NACC2: variants seen among roughly 807,000 people sequenced by gnomAD.
The protein encoded by NACC2 is NACC family member 2, also known as nucleus accumbens-associated protein 2.
In NACC2, 8 loss-of-function variants were observed where a neutral mutation model predicts 25.1. The ratio of observed to expected loss-of-function variants is 0.32; its 90% CI spans 0.19 to 0.57. The LOEUF (loss-of-function observed/expected upper bound fraction) is 0.57, where lower values mean the gene tolerates loss of function less well. NACC2 is among the 20% of genes least tolerant of loss of function. The pLI, the probability that NACC2 is intolerant of heterozygous loss-of-function variation, is 0.89. For synonymous variants in NACC2, 435 were observed against 294.7 expected (o/e 1.48, Z -4.88); for missense variants, 644 against 650.2 (o/e 0.99, Z 0.10).
At chr9:136,067,480 T>C (rs1438415009) in intron 1 of NACC2, among the ~76,000 whole-genome samples, 4 of 152,142 alleles carry the variant, frequency 2.6e-5, no homozygotes, top group Admixed American at 6.5e-5. Flanking sequence ...TTAGGTGATT[T>C]TGTTGTTCTC....
chr9:136,066,520 A>C lies in NACC2; in HGVS notation c.-59-15940T>G, dbSNP rs535709797. 1.4e-4 allele frequency among the ~76,000 whole-genome samples: 21 copies of C among 152,352 alleles called. 1 individual carries two copies. The South Asian group carries it at 1.9e-3, about 14-fold the overall frequency. ...GAAAACAAAGGTTGGTGGAAATGTA[A>C]AGAGATGTAGCGATCGGGAATGCAA... On this transcript the variant is annotated intron_variant, in intron 1 of 5. Transcript: ENST00000277554.
intron 1 of NACC2, among the ~76,000 whole-genome samples, chr9:136,094,633 G>C (rs558571847): frequency 2.0e-5 from 3 of 152,250 alleles, no homozygotes; most frequent in Non-Finnish European, 4.4e-5. Flanking sequence ...CCGAGTGGGG[G>C]AGGCGCGGGA....
chr9:136,062,727 C>G (rs576766538), intron 1 of NACC2, among the ~76,000 whole-genome samples: 1 of 152,166 alleles, frequency 6.6e-6, no homozygotes, highest in Admixed American at 6.5e-5. Flanking sequence ...CTAGCCTGGG[C>G]AACATGGCGA....
chr9:136,062,034 C>T (rs894441622), intron 1 of NACC2, among the ~76,000 whole-genome samples: 2 of 151,918 alleles, frequency 1.3e-5, no homozygotes, highest in East Asian at 1.9e-4. Context: ...GCAGGAGAAT[C>T]GCTTGAACTG....
chr9:136,086,598 T>C lies in NACC2; in HGVS notation c.-60+8591A>G, dbSNP rs2131189878. On this transcript the variant is annotated intron_variant, in intron 1 of 5. Coordinates refer to ENST00000277554, the MANE Select transcript of NACC2 (RefSeq NM_144653.5). This position sits in a 1 kb window ranked among gnomAD's most constrained non-coding sequence, Gnocchi z 5.6. ...CCACACGCTGTCATTTCCAGGCCACTTCCTATGACATGGACTCACCGCCTA... is the reference window on the plus strand; with the variant it reads ...CCACACGCTGTCATTTCCAGGCCACCTCCTATGACATGGACTCACCGCCTA... Among the ~76,000 whole-genome samples, 1 of 152,310 alleles carries C rather than the reference T, an allele frequency of 6.6e-6. No individual in the cohort carries two copies. The highest frequency in any genetic ancestry group is 2.4e-5 in the African/African-American group (1 of 41,572).
At position 136,011,534 on chromosome 9, in the gene NACC2, G is replaced by T; in HGVS notation, c.1746C>A (p.Thr582=). 7.1e-7 allele frequency: 1 copy of T among 1,407,696 alleles called. No individual in the cohort carries two copies. The highest frequency in any genetic ancestry group is 9.2e-7 in the Non-Finnish European group (1 of 1,087,046). 87.2% of individuals were successfully genotyped at this position (1,407,696 alleles called of 1,614,324 possible). Residue 582 remains threonine, a synonymous_variant, in exon 6 of 6, where the codon ACC becomes ACA. Transcript: ENST00000277554. ...GCTCCGCTTACAAGGTCCCTGCATA[G>T]GTGCCCTCCGGCCTCCGGGCCGCGG... ...PAAAARRPEG[T]YAGTL
rs894534086 is a variant in NACC2, at chr9:136,092,885, G to A, written c.-60+2304C>T. Among the ~76,000 whole-genome samples, 11 of 152,214 alleles carry A rather than the reference G, an allele frequency of 7.2e-5. No individual in the cohort carries two copies. In the South Asian group the frequency reaches 8.3e-4, roughly 11 times the overall value. ...CCAACTGGATCTCGGAACCCACTGC[G>A]TGACCCTGCAAAGGGGATGGAGTGA... On this transcript the variant is annotated intron_variant, in intron 1 of 5. Transcript: ENST00000277554.
rs1840241550 is a variant in NACC2 at position 136,018,779 on chromosome 9, G to A, written c.887-2350C>T. Among the ~76,000 whole-genome samples, 1 of 152,090 alleles carries A rather than the reference G, an allele frequency of 6.6e-6. No homozygotes were observed. Among genetic ancestry groups the A allele is most frequent in the Non-Finnish European group, 1.5e-5 (1 of 68,012 alleles). ...TCAGGGAACACAGCAAAACAACCCG[G>A]GTGGTATTTTAAAACATAATTACAC... On this transcript the variant is annotated intron_variant, in intron 2 of 5. Coordinates refer to ENST00000277554, the MANE Select transcript of NACC2 (RefSeq NM_144653.5). This position sits in a 1 kb window ranked among gnomAD's most constrained non-coding sequence, Gnocchi z 4.4.
chr9:136,077,302 C>G (rs1163367641), intron 1 of NACC2, among the ~76,000 whole-genome samples: 2 of 152,180 alleles, frequency 1.3e-5, no homozygotes, highest in African/African-American at 2.4e-5. Flanking sequence ...TGCACTCCAG[C>G]CTGGGCGACA....
chr9:136,035,777 G>A (rs935837508), intron 2 of NACC2, among the ~76,000 whole-genome samples: 2 of 151,948 alleles, frequency 1.3e-5, no homozygotes, highest in Non-Finnish European at 1.5e-5. Flanking sequence ...ACTTTCAAAT[G>A]GTTTAGTGAA....
chr9:136,026,845 G>C (rs1588562058), intron 2 of NACC2, among the ~76,000 whole-genome samples: 1 of 152,346 alleles, frequency 6.6e-6, no homozygotes, highest in East Asian at 1.9e-4. Context: ...AGGTCAGAGG[G>C]GAAGAGCAGA....
In NACC2 at chr9:136,063,260, G is replaced by A. The variant is rs574526561; in HGVS notation, c.-59-12680C>T. ...GCCATGCTGTGCAGAGCACCTGGGA[G>A]CAACGCACCAGCGAGGGGGCCCTGG... On this transcript the variant is annotated intron_variant, in intron 1 of 5. Transcript: ENST00000277554. Among the ~76,000 whole-genome samples, 25 of 152,336 alleles carry A rather than the reference G, an allele frequency of 1.6e-4. 1 individual carries two copies. The highest frequency in any genetic ancestry group is 4.3e-4 in the African/African-American group (18 of 41,574).
At chr9:136,077,387 C>T (rs946347377) in intron 1 of NACC2, among the ~76,000 whole-genome samples, 4 of 152,122 alleles carry the variant, frequency 2.6e-5, no homozygotes, top group African/African-American at 7.2e-5. Context: ...GCAAAACAAA[C>T]AAACAAACAA....
chr9:136,013,789 A>T lies in NACC2; in HGVS notation c.1157+75T>A. On this transcript the variant is annotated intron_variant, in intron 4 of 5. Coordinates refer to ENST00000277554, the MANE Select transcript of NACC2 (RefSeq NM_144653.5). This position sits in a 1 kb window ranked among gnomAD's most constrained non-coding sequence, Gnocchi z 6.6. ...TTCAATGCCACAACCCTGGACGATC[A>T]GACAGCTCATAGCTAAAGGAGCCAG... is the stretch of plus-strand genomic sequence containing the variant. The T allele has an allele frequency of 7.6e-7, 1 of 1,318,094 alleles. No homozygotes were observed. Among genetic ancestry groups the T allele is most frequent in the Non-Finnish European group, 1.1e-6 (1 of 933,692 alleles). The allele number at this position is 1,318,094 out of a possible 1,614,324, so 81.6% of individuals were successfully genotyped here. A position where few individuals can be genotyped will look rare whatever the true frequency, so the allele number is the denominator to read the frequency against.
At chr9:136,041,981 C>G (rs887620300) in intron 2 of NACC2, among the ~76,000 whole-genome samples, 3 of 151,886 alleles carry the variant, frequency 2.0e-5, no homozygotes, top group African/African-American at 7.3e-5. Context: ...CAAAGGACTA[C>G]GATAATCCTT....
intron 2 of NACC2, among the ~76,000 whole-genome samples, chr9:136,030,813 C>T (rs1349525979): frequency 1.3e-5 from 2 of 152,014 alleles, no homozygotes; most frequent in Non-Finnish European, 2.9e-5. Context: ...AGGCACACAC[C>T]TCCATGCCTG....
chr9:136,076,612 T>C (rs1588581567), intron 1 of NACC2, among the ~76,000 whole-genome samples: 3 of 151,980 alleles, frequency 2.0e-5, no homozygotes. Context: ...CAAACAGAGG[T>C]GAGGGTTGAC....
At chr9:136,045,333 C>A (rs4842085) in intron 2 of NACC2, among the ~76,000 whole-genome samples, 14 of 48,764 alleles carry the variant, frequency 2.9e-4, no homozygotes, top group Non-Finnish European at 5.7e-4. Context: ...CCAGAGCTGT[C>A]CCCTGCCAGG....
rs950156629 is a variant in NACC2, at chr9:136,050,694, G to A, written c.-59-114C>T. On this transcript the variant is annotated intron_variant, in intron 1 of 5. Coordinates refer to ENST00000277554, the MANE Select transcript of NACC2 (RefSeq NM_144653.5). Reference sequence around the variant, plus strand: ...GGGGCTTACAAAGAGCGAGCCTTCCGCACGCGCCCTCCCCCGCCCCTCCTG... The same window carrying A: ...GGGGCTTACAAAGAGCGAGCCTTCCACACGCGCCCTCCCCCGCCCCTCCTG... The A allele has an allele frequency of 6.5e-5, 41 of 627,150 alleles. No homozygotes were observed. The East Asian group carries it at 8.5e-4, about 13-fold the overall frequency. The allele number at this position is 627,150 out of a possible 1,614,324, so 38.8% of individuals were successfully genotyped here.
Sources: gnomAD v4.1 joint callset for allele counts (sites outside exome capture counted in the v4.1 genomes callset) on GRCh38, gnomAD v4.1.1 for gene constraint, Gnocchi (gnomAD v3.1) non-coding constraint, MANE v1.5 for transcripts, NCBI Gene and HGNC (gene_info 2026-07-23, HGNC 2026-07-21) for gene names.